COL21A1: variants seen among roughly 807,000 people sequenced by gnomAD.
The protein encoded by COL21A1 is collagen type XXI alpha 1 chain, also known as collagen alpha-1(XXI) chain.
In COL21A1, 149 loss-of-function variants were observed where a neutral mutation model predicts 137.9. The observed-to-expected ratio is 1.08, with a 90% confidence interval of 0.95 to 1.24. The LOEUF (loss-of-function observed/expected upper bound fraction) is 1.24, where lower values mean the gene tolerates loss of function less well. COL21A1 is among the 50% of genes most tolerant of loss of function. The probability of loss-of-function intolerance (pLI) is 0.00; values close to 1 mark genes in which losing one functional copy is unlikely to be tolerated. For missense variants in COL21A1, 1,167 were observed against 1,158.4 expected, an observed-to-expected ratio of 1.01 and a Z score of -0.11; for synonymous variants, 456 against 391.5, an observed-to-expected ratio of 1.16 and a Z score of -1.95.
chr6:56,267,517 G>T (rs1048540071), intron 1 of COL21A1, among the ~76,000 whole-genome samples: 1 of 152,036 alleles, frequency 6.6e-6, no homozygotes, highest in South Asian at 2.1e-4. Context: ...AGCACTTTGG[G>T]AGGCAGAGGT....
In COL21A1 at chr6:56,097,812, T is replaced by C. The variant is rs923934485; in HGVS notation, c.1812+3660A>G. On this transcript the variant is annotated intron_variant, in intron 17 of 29. Coordinates refer to ENST00000244728, the MANE Select transcript of COL21A1 (RefSeq NM_030820.4). ...ATATATATATAAATCTATATAAATA[T>C]ATATAAATACATATAAATATATATA... is the stretch of plus-strand genomic sequence containing the variant. Among the ~76,000 whole-genome samples, 3 of 106,962 alleles carry C rather than the reference T, an allele frequency of 2.8e-5. 1 individual carries two copies. Among genetic ancestry groups the C allele is most frequent in the Admixed American group, 1.3e-4 (1 of 7,536 alleles). 70.2% of individuals were successfully genotyped at this position (106,962 alleles called of 152,430 possible). A position where few individuals can be genotyped will look rare whatever the true frequency, so the allele number is the denominator to read the frequency against.
At chr6:56,124,558 G>A (rs563979082) in intron 14 of COL21A1, among the ~76,000 whole-genome samples, 1 of 152,262 alleles carries the variant, frequency 6.6e-6, no homozygotes, top group South Asian at 2.1e-4. Context: ...AAAGCAATGG[G>A]TATTTTAAAT....
chr6:56,256,329 GA>G (rs1329616775), intron 1 of COL21A1, among the ~76,000 whole-genome samples: 1 of 152,160 alleles, frequency 6.6e-6, no homozygotes, highest in Non-Finnish European at 1.5e-5. Flanking sequence ...TGTGAACAGA[GA>G]TGAAAAATAC....
At chr6:56,063,001 G>A (rs1244115005) in intron 24 of COL21A1, among the ~76,000 whole-genome samples, 5 of 152,154 alleles carry the variant, frequency 3.3e-5, no homozygotes, top group African/African-American at 1.2e-4. Context: ...GCTTGGTAGA[G>A]TGACAGGTAA....
chr6:56,250,890 A>C (rs963084282), upstream of COL21A1, among the ~76,000 whole-genome samples: 1 of 152,184 alleles, frequency 6.6e-6, no homozygotes, highest in Admixed American at 6.5e-5. Context: ...TTAAATGTTT[A>C]AATTTACAAA....
intron 12 of COL21A1, among the ~76,000 whole-genome samples, chr6:56,139,669 C>A (rs1774270948): frequency 6.6e-6 from 1 of 152,130 alleles, no homozygotes; most frequent in Non-Finnish European, 1.5e-5. Context: ...AGCTTTTTTA[C>A]CCCTGTTCTC....
chr6:56,215,432 G>C (rs937578021), intron 1 of COL21A1, among the ~76,000 whole-genome samples: 1 of 151,982 alleles, frequency 6.6e-6, no homozygotes, highest in Admixed American at 6.6e-5. Context: ...GTGCAACTAT[G>C]GATCAAGATG....
intron 1 of COL21A1, among the ~76,000 whole-genome samples, chr6:56,326,888 A>G (rs1765107760): frequency 6.6e-6 from 1 of 152,060 alleles, no homozygotes; most frequent in Non-Finnish European, 1.5e-5. Flanking sequence ...TCACACCTGA[A>G]TCTGCCTTTA....
At chr6:56,210,456 A>G (rs1780088408) in intron 1 of COL21A1, among the ~76,000 whole-genome samples, 1 of 152,172 alleles carries the variant, frequency 6.6e-6, no homozygotes, top group Non-Finnish European at 1.5e-5. Context: ...CTAGAGTAAC[A>G]GTATTCAAAA....
At chr6:56,156,371 T>A (rs531569877) in intron 10 of COL21A1, among the ~76,000 whole-genome samples, 86 of 152,336 alleles carry the variant, frequency 5.6e-4, no homozygotes, top group African/African-American at 2.0e-3. Context: ...CTTAGAGCAT[T>A]TGCTTTAGAG....
chr6:56,168,439 G>T, intron 5 of COL21A1, 142 bp from the exon 6 acceptor site: 1 of 537,798 alleles, frequency 1.9e-6, no homozygotes, highest in Non-Finnish European at 2.9e-6. Context: ...AATTCACCCT[G>T]ATCCAAGGTG....
At chr6:56,290,498 G>GGTTTTTTTTTT (rs371058894) in intron 1 of COL21A1, among the ~76,000 whole-genome samples, 13 of 132,956 alleles carry the variant, frequency 9.8e-5, no homozygotes, top group Non-Finnish European at 7.8e-5. Flanking sequence ...TCACTTAGGA[G>GGTTTTTTTTTT]ATTTTTTTTT....
At chr6:56,375,515 C>T (rs7764788) in intron 1 of COL21A1, among the ~76,000 whole-genome samples, 59,324 of 151,926 alleles carry the variant, frequency 0.39, 12,130 homozygotes, top group Non-Finnish European at 0.45. Flanking sequence ...TTCTAGTCAC[C>T]TCCCCTTCTT....
At chr6:56,379,260 AAAC>A (rs1304810299) in intron 1 of COL21A1, among the ~76,000 whole-genome samples, 2 of 152,244 alleles carry the variant, frequency 1.3e-5, no homozygotes, top group Non-Finnish European at 2.9e-5. Context: ...AATCCTGGAG[AAAC>A]AGAGATATGT....
chr6:56,190,408 G>A (rs917220895), intron 1 of COL21A1, among the ~76,000 whole-genome samples: 4 of 152,076 alleles, frequency 2.6e-5, no homozygotes, highest in South Asian at 2.1e-4. Context: ...TTGAATCCCC[G>A]AATAGAGCAA....
intron 16 of COL21A1, among the ~76,000 whole-genome samples, chr6:56,123,122 G>A (rs1772696488): frequency 6.6e-6 from 1 of 152,226 alleles, no homozygotes; most frequent in South Asian, 2.1e-4. Flanking sequence ...CTGTGTAAGA[G>A]TAGAAGCCAT....
intron 16 of COL21A1, among the ~76,000 whole-genome samples, chr6:56,108,781 G>T (rs1005595901): frequency 5.3e-5 from 8 of 151,922 alleles, no homozygotes; most frequent in African/African-American, 1.7e-4. Context: ...TGAAAATAGA[G>T]ATTTACCTTC....
chr6:56,305,172 A>G (rs1008720814), intron 1 of COL21A1, among the ~76,000 whole-genome samples: 1 of 152,152 alleles, frequency 6.6e-6, no homozygotes, highest in African/African-American at 2.4e-5. Flanking sequence ...CAATTTTGGA[A>G]TAAGTGTGGT....
At chr6:56,121,570 A>G (rs1003492308) in intron 16 of COL21A1, among the ~76,000 whole-genome samples, 1 of 146,598 alleles carries the variant, frequency 6.8e-6, no homozygotes. Context: ...GTATATATAT[A>G]TATGTATATG....
Sources: gnomAD v4.1 joint callset for allele counts (sites outside exome capture counted in the v4.1 genomes callset) on GRCh38, gnomAD v4.1.1 for gene constraint, MANE v1.5 for transcripts, NCBI Gene and HGNC (gene_info 2026-07-23, HGNC 2026-07-21) for gene names.